MYO18B: variants seen among roughly 807,000 people sequenced by gnomAD.
The protein encoded by MYO18B is myosin XVIIIB, also known as unconventional myosin-XVIIIb.
A neutral mutation model predicts 273.0 loss-of-function variants in MYO18B; 204 were observed. The observed-to-expected ratio is 0.75, with a 90% CI of 0.67 to 0.84. The LOEUF (loss-of-function observed/expected upper bound fraction) is 0.84, where lower values mean the gene tolerates loss of function less well. Ranked by LOEUF, MYO18B falls within the 40% of genes least tolerant of loss-of-function variation. The probability of loss-of-function intolerance (pLI) is 0.00; values close to 1 mark genes in which losing one functional copy is unlikely to be tolerated. For synonymous variants in MYO18B, 1,330 were observed against 1,305.7 expected (o/e 1.02, Z -0.40); for missense variants, 3,212 against 3,287.6 (o/e 0.98, Z 0.56).
At chr22:25,865,765 C>G (rs942771188) in intron 21 of MYO18B, among the ~76,000 whole-genome samples, 1 of 152,138 alleles carries the variant, frequency 6.6e-6, no homozygotes, top group Non-Finnish European at 1.5e-5. Context: ...CTGCCATAGA[C>G]TTTACCTCCA....
At chr22:26,050,691 T>G in the MYO18B span, among the ~76,000 whole-genome samples, 1 of 152,238 alleles carries the variant, frequency 6.6e-6, no homozygotes, top group South Asian at 2.1e-4. Context: ...GCTTTATCTT[T>G]AGTTTTCTTA....
the MYO18B span, among the ~76,000 whole-genome samples, chr22:26,038,835 C>T: frequency 6.6e-6 from 1 of 152,150 alleles, no homozygotes; most frequent in East Asian, 1.9e-4. Context: ...GAGACTGTAC[C>T]TTCCAAGGGC....
intron 39 of MYO18B, among the ~76,000 whole-genome samples, chr22:25,987,451 G>A (rs2093214574): frequency 6.6e-6 from 1 of 151,924 alleles, no homozygotes; most frequent in African/African-American, 2.4e-5. Context: ...TTATTGTACT[G>A]ATCTCTGTAT....
intron 1 of MYO18B, among the ~76,000 whole-genome samples, chr22:25,744,498 G>A (rs972822207): frequency 2.6e-5 from 4 of 152,284 alleles, no homozygotes; most frequent in East Asian, 3.9e-4. Flanking sequence ...TTGGGAGGCC[G>A]AGGTGGGCAG....
chr22:25,923,960 G>T (rs1299169203), intron 34 of MYO18B, among the ~76,000 whole-genome samples: 1 of 152,060 alleles, frequency 6.6e-6, no homozygotes, highest in Non-Finnish European at 1.5e-5. Flanking sequence ...TAATGAAGGC[G>T]CTTTGAGCTG....
At chr22:25,754,776 C>T (rs1239030459) in intron 1 of MYO18B, among the ~76,000 whole-genome samples, 1 of 152,194 alleles carries the variant, frequency 6.6e-6, no homozygotes, top group African/African-American at 2.4e-5. Context: ...GTGGAGCTGG[C>T]GCAGGACCTC....
chr22:26,011,487 A>G (rs912370345), intron 42 of MYO18B, among the ~76,000 whole-genome samples: 1 of 152,224 alleles, frequency 6.6e-6, no homozygotes, highest in East Asian at 1.9e-4. Context: ...GATGAAAACT[A>G]TAAGCATAGA....
intron 12 of MYO18B, among the ~76,000 whole-genome samples, chr22:25,811,539 G>A (rs1246477891): frequency 6.6e-6 from 1 of 152,120 alleles, no homozygotes; most frequent in African/African-American, 2.4e-5. Flanking sequence ...CTACATCTAT[G>A]CATTTAACAC....
rs142146448 is a variant in MYO18B, at chr22:25,775,695, C to T, written c.1870-1888C>T. On this transcript the variant is annotated intron_variant, in intron 7 of 43. Transcript: ENST00000335473. ...GGTTTTCATTCCCGCCCACTGGCCG[C>T]CCAGTCAGTCTTCCTTGTGGTCTCC... 6.3e-4 allele frequency among the ~76,000 whole-genome samples: 96 copies of T among 152,278 alleles called. 1 individual carries two copies. The East Asian group carries it at 0.016, about 25-fold the overall frequency.
chr22:25,829,416 C>T (rs561791218), intron 15 of MYO18B, among the ~76,000 whole-genome samples: 3 of 151,900 alleles, frequency 2.0e-5, no homozygotes, highest in East Asian at 3.9e-4. Context: ...AAGGTACATG[C>T]ATCACAAAAC....
At chr22:26,025,932 T>C (rs1936205407) in intron 42 of MYO18B, among the ~76,000 whole-genome samples, 1 of 152,174 alleles carries the variant, frequency 6.6e-6, no homozygotes. Context: ...GGAAAAAGAT[T>C]TTACCTACAC....
chr22:25,986,751 G>T (rs2093206485), intron 39 of MYO18B, among the ~76,000 whole-genome samples: 1 of 152,188 alleles, frequency 6.6e-6, no homozygotes. Flanking sequence ...AGCCAGAAGG[G>T]ATTGCTGTTT....
At chr22:26,009,111 C>T (rs1934678676) in intron 42 of MYO18B, among the ~76,000 whole-genome samples, 1 of 152,188 alleles carries the variant, frequency 6.6e-6, no homozygotes, top group African/African-American at 2.4e-5. Context: ...TCTGATCTCT[C>T]CCCATCACTC....
intron 39 of MYO18B, among the ~76,000 whole-genome samples, chr22:25,966,898 A>G (rs2092985404): frequency 6.6e-6 from 1 of 152,222 alleles, no homozygotes; most frequent in Non-Finnish European, 1.5e-5. Flanking sequence ...CCATCTAACG[A>G]AAGAGTTTCT....
intron 20 of MYO18B, 145 bp from the exon 21 acceptor site, chr22:25,851,325 G>T (rs1171681441): frequency 1.6e-6 from 1 of 615,534 alleles, no homozygotes; most frequent in Non-Finnish European, 2.9e-6. Context: ...GAGAAACTAA[G>T]GTCCCAAGAG....
At chr22:25,997,978 CGAG>C (rs1470319016) in intron 40 of MYO18B, among the ~76,000 whole-genome samples, 2 of 144,550 alleles carry the variant, frequency 1.4e-5, no homozygotes, top group Admixed American at 6.9e-5. Flanking sequence ...CACACACACA[CGAG>C]AGAGAGAGAG....
intron 42 of MYO18B, among the ~76,000 whole-genome samples, chr22:26,014,760 G>A (rs1206623521): frequency 6.6e-6 from 1 of 152,128 alleles, no homozygotes; most frequent in Non-Finnish European, 1.5e-5. Context: ...CATTCTAACT[G>A]GTGTGAGTTG....
At position 25,926,693 on chromosome 22, in the gene MYO18B, T is replaced by G. The variant is rs907869284; in HGVS notation, c.5517+5284T>G. 2.0e-5 allele frequency among the ~76,000 whole-genome samples: 3 copies of G among 152,194 alleles called. 1 individual carries two copies. The highest frequency in any genetic ancestry group is 4.8e-5 in the African/African-American group (2 of 41,444). ...GCAAATATGGATATGATCTCCACTCTGGGATGAATTTGAGGCCAAGCTACA... is the reference window on the plus strand; with the variant it reads ...GCAAATATGGATATGATCTCCACTCGGGGATGAATTTGAGGCCAAGCTACA... On this transcript the variant is annotated intron_variant, in intron 34 of 43. Transcript: ENST00000335473.
chr22:25,816,156 A>C (rs565071688), intron 12 of MYO18B, among the ~76,000 whole-genome samples: 1 of 152,194 alleles, frequency 6.6e-6, no homozygotes, highest in African/African-American at 2.4e-5. Flanking sequence ...GTTCTCAAAA[A>C]TAGAACTTTT....
Sources: gnomAD v4.1 joint callset for allele counts (sites outside exome capture counted in the v4.1 genomes callset) on GRCh38, gnomAD v4.1.1 for gene constraint, MANE v1.5 for transcripts, NCBI Gene and HGNC (gene_info 2026-07-23, HGNC 2026-07-21) for gene names.